The following TPO variants were observed in gnomAD, a reference collection of about 807,000 sequenced individuals.
TPO encodes thyroid peroxidase, also known as thyroid microsomal antigen.
In TPO, 78 loss-of-function variants were observed where a neutral mutation model predicts 96.9. That is an observed-to-expected ratio of 0.81 (90% CI 0.67 to 0.97). The LOEUF is 0.97. Ranked by LOEUF, TPO falls within the 50% of genes least tolerant of loss-of-function variation. The probability of loss-of-function intolerance (pLI) is 0.00; values close to 1 mark genes in which losing one functional copy is unlikely to be tolerated. For missense variants in TPO, 1,252 were observed against 1,274.8 expected (o/e 0.98, Z 0.27); for synonymous variants, 547 against 538.0 (o/e 1.02, Z -0.23).
At position 1,423,175 on chromosome 2, in the gene TPO, G is replaced by C. The variant is rs762435908; in HGVS notation, c.179+46G>C. On this transcript the variant is annotated intron_variant, in intron 3 of 16. Transcript: ENST00000329066. Reference sequence around the variant, plus strand: ...GCCGCCCCAAATGCCACCGACAGGCGCATCCTCCCTGACATCCACACACGT... The same window carrying C: ...GCCGCCCCAAATGCCACCGACAGGCCCATCCTCCCTGACATCCACACACGT... 1.9e-6 allele frequency: 3 copies of C among 1,575,026 alleles called. No homozygotes were observed. The African/African-American group carries it at 4.0e-5, about 21-fold the overall frequency.
chr2:1,463,786 A>G (rs1425189537), intron 7 of TPO, among the ~76,000 whole-genome samples: 2 of 152,190 alleles, frequency 1.3e-5, no homozygotes, highest in East Asian at 1.9e-4. Context: ...ATATGTAGCT[A>G]TGAATGTATC....
intron 5 of TPO, among the ~76,000 whole-genome samples, chr2:1,451,232 G>A (rs913410018): frequency 6.6e-6 from 1 of 152,114 alleles, no homozygotes; most frequent in Non-Finnish European, 1.5e-5. Context: ...AGGACAAAAC[G>A]GATCTTTCCT....
Position 1,381,309 on chromosome 2 carries a change from CA to C in TPO, n.180+6909del, listed in dbSNP as rs1661808584. Among the ~76,000 whole-genome samples the C allele has an allele frequency of 2.0e-5, 3 of 151,904 alleles. No homozygotes were observed. The South Asian group carries it at 6.2e-4, about 32-fold the overall frequency. ...AGAATCTACAAAGAACTTAAATTTA[CA>C]AGAAAAAAACAACCCCATCAAAAAG... is the stretch of plus-strand genomic sequence containing the variant. On this transcript the variant is annotated intron_variant and non_coding_transcript_variant, in intron 1 of 5. Transcript: ENST00000497517.
At chr2:1,428,009 G>A (rs1010103347) in intron 3 of TPO, among the ~76,000 whole-genome samples, 3 of 152,178 alleles carry the variant, frequency 2.0e-5, no homozygotes, top group African/African-American at 4.8e-5. Flanking sequence ...AACCGAGAGC[G>A]ATCCAGAGAA....
chr2:1,479,500 A>G (rs571090413), intron 8 of TPO, among the ~76,000 whole-genome samples: 1 of 152,258 alleles, frequency 6.6e-6, no homozygotes, highest in South Asian at 2.1e-4. Context: ...CAGCCCAGGG[A>G]GCTGTGAGAA....
intron 16 of TPO, chr2:1,541,552 T>TCGCTATGCTGCCC (rs1680771997): frequency 6.5e-6 from 1 of 152,876 alleles, no homozygotes; most frequent in Non-Finnish European, 1.5e-5. Flanking sequence ...AGATGCAGCC[T>TCGCTATGCTGCCC]CGCTATGCTG....
intron 14 of TPO, among the ~76,000 whole-genome samples, chr2:1,515,485 T>G (rs1450217340): frequency 1.3e-5 from 2 of 152,204 alleles, no homozygotes; most frequent in Non-Finnish European, 2.9e-5. Flanking sequence ...CAGGATCGTT[T>G]TGGAGAAACA....
chr2:1,444,431 G>T (rs1169993341), intron 5 of TPO, among the ~76,000 whole-genome samples: 3 of 147,148 alleles, frequency 2.0e-5, no homozygotes, highest in East Asian at 2.1e-4. Context: ...TGTTGGAAGG[G>T]AATGGAGCTG....
chr2:1,379,112 C>T (rs1352362952), intron 1 of TPO, among the ~76,000 whole-genome samples: 1 of 152,156 alleles, frequency 6.6e-6, no homozygotes, highest in South Asian at 2.1e-4. Flanking sequence ...CAAGATCAGC[C>T]TGGCCAACAT....
At chr2:1,488,080 G>A (rs990066429) in intron 10 of TPO, 89 bp downstream of exon 10, 202 of 1,582,208 alleles carry the variant, frequency 1.3e-4, no homozygotes, top group Non-Finnish European at 1.6e-4. Context: ...CTGATTTAGA[G>A]GAAAACAATC....
chr2:1,481,519 G>T (rs900616945), intron 8 of TPO, among the ~76,000 whole-genome samples: 3 of 152,180 alleles, frequency 2.0e-5, no homozygotes, highest in Non-Finnish European at 4.4e-5. Flanking sequence ...GGATGTGTGT[G>T]GAGGTAGAAC....
rs1407452403 is a variant in TPO, at chr2:1,487,915, C to A, written c.1692C>A (p.Leu564=). ...QLMNEELTER[L]FVLSNSSTLD... is the part of the protein sequence containing the mutation. Reference sequence around the variant, plus strand: ...TGAACGAGGAGCTGACGGAAAGGCTCTTTGTGCTGTCCAATTCCAGCACCT... The same window carrying A: ...TGAACGAGGAGCTGACGGAAAGGCTATTTGTGCTGTCCAATTCCAGCACCT... Residue 564 remains leucine, a synonymous_variant, in exon 10 of 17, where the codon CTC becomes CTA. Transcript: ENST00000329066. The A allele has an allele frequency of 1.2e-6, 2 of 1,614,202 alleles. No homozygotes were observed. The highest frequency in any genetic ancestry group is 1.1e-5 in the South Asian group (1 of 91,088).
At chr2:1,520,566 ATTGT>A (rs1157767033) in intron 15 of TPO, among the ~76,000 whole-genome samples, 7 of 152,158 alleles carry the variant, frequency 4.6e-5, no homozygotes, top group African/African-American at 7.2e-5. Flanking sequence ...TTTTGGTGTG[ATTGT>A]TATTAATGTG....
intron 10 of TPO, among the ~76,000 whole-genome samples, chr2:1,490,318 A>C (rs56402668): frequency 3.8e-4 from 1 of 2,606 alleles, no homozygotes; most frequent in African/African-American, 4.4e-3. Context: ...AGCCGCCACG[A>C]GGGTCCCACA....
chr2:1,477,995 A>C (rs979286867), intron 8 of TPO: 6 of 985,304 alleles, frequency 6.1e-6, no homozygotes, highest in Non-Finnish European at 7.2e-6. Context: ...TACGTGCTTT[A>C]CAGATTTCAA....
chr2:1,525,605 C>CCT, intron 15 of TPO, among the ~76,000 whole-genome samples: 1 of 101,076 alleles, frequency 9.9e-6, no homozygotes, highest in African/African-American at 4.1e-5. Flanking sequence ...AACCACAAAT[C>CCT]CCCCCACTGT....
At chr2:1,530,110 C>CT (rs1677735903) in intron 15 of TPO, among the ~76,000 whole-genome samples, 1 of 119,126 alleles carries the variant, frequency 8.4e-6, no homozygotes, top group African/African-American at 3.6e-5. Flanking sequence ...TTGCAACCTC[C>CT]CAAAATCTCC....
intron 8 of TPO, among the ~76,000 whole-genome samples, chr2:1,482,507 G>A (rs1670744307): frequency 6.6e-6 from 1 of 152,178 alleles, no homozygotes; most frequent in Non-Finnish European, 1.5e-5. Context: ...GAGGTGAGCA[G>A]GAGGGGCACC....
chr2:1,399,557 G>A (rs183713399), intron 1 of TPO, among the ~76,000 whole-genome samples: 1 of 152,364 alleles, frequency 6.6e-6, no homozygotes, highest in Admixed American at 6.5e-5. Context: ...AAACCGATGA[G>A]TTGTTTATTT....
Sources: gnomAD v4.1 joint callset for allele counts (sites outside exome capture counted in the v4.1 genomes callset) on GRCh38, gnomAD v4.1.1 for gene constraint, MANE v1.5 for transcripts, NCBI Gene and HGNC (gene_info 2026-07-23, HGNC 2026-07-21) for gene names.